The following NFAM1 variants were observed in gnomAD, a reference collection of about 807,000 sequenced individuals.
NFAM1 encodes NFAT activating protein with ITAM motif 1, also known as NFAT activation molecule 1.
Under a neutral mutation model 29.0 loss-of-function variants are expected in NFAM1, and 17 were observed. The observed-to-expected ratio is 0.59, with a 90% CI of 0.40 to 0.88. NFAM1 has a LOEUF of 0.88. Among genes scored for constraint, NFAM1 ranks in the 40% least tolerant of loss-of-function variants. The pLI is 0.00. For synonymous variants in NFAM1, 175 were observed against 147.2 expected (o/e 1.19, Z -1.36); for missense variants, 324 against 344.6 (o/e 0.94, Z 0.47).
chr22:42,431,116 C>A (rs1376340224), intron 1 of NFAM1, among the ~76,000 whole-genome samples: 3 of 152,216 alleles, frequency 2.0e-5, no homozygotes, highest in Non-Finnish European at 4.4e-5. Context: ...GGCCGAGGGG[C>A]CCAGCTTGGG....
chr22:42,419,684 G>GT lies in NFAM1; in HGVS notation c.122-7949dup, dbSNP rs1486155836. 5.3e-5 allele frequency among the ~76,000 whole-genome samples: 8 copies of GT among 152,208 alleles called. No individual in the cohort carries two copies. The highest frequency in any genetic ancestry group is 3.9e-4 in the Admixed American group (6 of 15,284). On this transcript the variant is annotated intron_variant, in intron 1 of 5. Coordinates refer to ENST00000329021, the MANE Select transcript of NFAM1 (RefSeq NM_145912.8). This position sits in a 1 kb window ranked among gnomAD's most constrained non-coding sequence, Gnocchi z 4.5. ...ACACTCCGGCGCCTTCGCCCGTGCT[G>GT]TTCCGGCTGTGCGGAATGTCCTACC... is the stretch of plus-strand genomic sequence containing the variant.
chr22:42,406,169 C>T (rs185521409), intron 3 of NFAM1, among the ~76,000 whole-genome samples: 100 of 122,316 alleles, frequency 8.2e-4, no homozygotes, highest in African/African-American at 2.7e-3. Context: ...CCAAATACCC[C>T]CCGGCTCGCG....
At chr22:42,393,494 C>T (rs531836420) in intron 4 of NFAM1, among the ~76,000 whole-genome samples, 10 of 151,814 alleles carry the variant, frequency 6.6e-5, no homozygotes, top group East Asian at 1.9e-4. Context: ...CAGCAACCTC[C>T]GCCTCCCAGG....
intron 4 of NFAM1, among the ~76,000 whole-genome samples, chr22:42,393,171 A>G (rs1248433955): frequency 6.6e-6 from 1 of 152,224 alleles, no homozygotes; most frequent in East Asian, 1.9e-4. Context: ...AGAATTGACA[A>G]TAATTAAAAG....
intron 1 of NFAM1, among the ~76,000 whole-genome samples, chr22:42,415,579 G>A (rs1930235179): frequency 2.6e-5 from 4 of 152,040 alleles, no homozygotes; most frequent in African/African-American, 7.2e-5. Flanking sequence ...GATTACAGGC[G>A]TGAGCCACCG....
intron 3 of NFAM1, among the ~76,000 whole-genome samples, chr22:42,405,352 C>T (rs73886082): frequency 0.028 from 4,267 of 152,290 alleles, 205 homozygotes; most frequent in African/African-American, 0.099. Flanking sequence ...TGGGGGTCCG[C>T]AGGCGGGGGG....
At chr22:42,437,526 G>A in the NFAM1 span, among the ~76,000 whole-genome samples, 1 of 152,152 alleles carries the variant, frequency 6.6e-6, no homozygotes, top group South Asian at 2.1e-4. Context: ...GTCCCTGAAA[G>A]AGACGAGCAC....
At chr22:42,399,140 C>G (rs534112215) in intron 3 of NFAM1, among the ~76,000 whole-genome samples, 1 of 152,018 alleles carries the variant, frequency 6.6e-6, no homozygotes, top group Non-Finnish European at 1.5e-5. Flanking sequence ...TCTGGAGGCA[C>G]GTGGAGAAGG....
upstream of NFAM1, among the ~76,000 whole-genome samples, chr22:42,437,258 T>TCAGC (rs796674466): frequency 1.8e-4 from 28 of 151,494 alleles, no homozygotes; most frequent in African/African-American, 6.5e-4. Flanking sequence ...TTCTCCTGTC[T>TCAGC]CAGCCTCCCA....
At chr22:42,405,861 A>G (rs1601746890) in intron 3 of NFAM1, among the ~76,000 whole-genome samples, 1 of 152,148 alleles carries the variant, frequency 6.6e-6, no homozygotes, top group Non-Finnish European at 1.5e-5. Flanking sequence ...CATGGGAAGG[A>G]GGGGAGCCAG....
At chr22:42,430,852 T>C (rs928183312) in intron 1 of NFAM1, among the ~76,000 whole-genome samples, 2 of 151,850 alleles carry the variant, frequency 1.3e-5, no homozygotes, top group Admixed American at 6.6e-5. Flanking sequence ...AGGATGGGAA[T>C]TGGGGGGAAA....
chr22:42,396,749 T>G (rs1843685486), intron 4 of NFAM1, among the ~76,000 whole-genome samples: 1 of 152,220 alleles, frequency 6.6e-6, no homozygotes, highest in East Asian at 1.9e-4. Context: ...CTGTTGGCAC[T>G]GCCCCACAGG....
At chr22:42,404,951 G>A (rs1172648276) in intron 3 of NFAM1, among the ~76,000 whole-genome samples, 1 of 151,930 alleles carries the variant, frequency 6.6e-6, no homozygotes, top group African/African-American at 2.4e-5. Context: ...CTGAGGCTCA[G>A]AGAGGATCCA....
At chr22:42,414,204 T>C (rs2147110922) in intron 1 of NFAM1, among the ~76,000 whole-genome samples, 1 of 152,246 alleles carries the variant, frequency 6.6e-6, no homozygotes, top group Non-Finnish European at 1.5e-5. Context: ...GCTTGTGAAA[T>C]GTCATTCCAG....
chr22:42,417,728 T>C (rs577560623), intron 1 of NFAM1, among the ~76,000 whole-genome samples: 140 of 152,174 alleles, frequency 9.2e-4, no homozygotes, highest in African/African-American at 3.1e-3. Context: ...AGGAGCTTCT[T>C]GAACCTGCTG....
chr22:42,417,871 G>C (rs1004227989), intron 1 of NFAM1, among the ~76,000 whole-genome samples: 15 of 152,116 alleles, frequency 9.9e-5, no homozygotes, highest in Non-Finnish European at 1.8e-4. Context: ...GAGGGCCCCC[G>C]CCCCGTCCCC....
chr22:42,403,846 G>A (rs1389490781), intron 3 of NFAM1, among the ~76,000 whole-genome samples: 1 of 152,196 alleles, frequency 6.6e-6, no homozygotes, highest in Non-Finnish European at 1.5e-5. Context: ...AGGTGTCAGG[G>A]AAGAAAGCCA....
chr22:42,395,805 C>A (rs1470583637), intron 4 of NFAM1, among the ~76,000 whole-genome samples: 1 of 150,034 alleles, frequency 6.7e-6, no homozygotes, highest in Non-Finnish European at 1.5e-5. Flanking sequence ...ATGGCATGAA[C>A]CTGGGAGGCA....
Position 42,397,840 on chromosome 22 carries a change from G to C in NFAM1, c.663+18C>G. On this transcript the variant is annotated intron_variant, in intron 4 of 5. Transcript: ENST00000329021. ...AGGCCTGAAAGAGGTGGAGGGAGCC[G>C]GGGGCCCCGGGACTCACTGTGTAGA... 6.6e-7 allele frequency: 1 copy of C among 1,516,542 alleles called. No homozygotes were observed. Among genetic ancestry groups the C allele is most frequent in the Non-Finnish European group, 9.2e-7 (1 of 1,092,004 alleles). The allele number at this position is 1,516,542 out of a possible 1,614,324, so 93.9% of individuals were successfully genotyped here.
Sources: gnomAD v4.1 joint callset for allele counts (sites outside exome capture counted in the v4.1 genomes callset) on GRCh38, gnomAD v4.1.1 for gene constraint, Gnocchi (gnomAD v3.1) non-coding constraint, MANE v1.5 for transcripts, NCBI Gene and HGNC (gene_info 2026-07-23, HGNC 2026-07-21) for gene names.